GHR: variants seen among roughly 807,000 people sequenced by gnomAD.
GHR encodes GH receptor.
Under a neutral mutation model 67.1 loss-of-function variants are expected in GHR, and 35 were observed. The ratio of observed to expected loss-of-function variants is 0.52; its 90% CI spans 0.40 to 0.69. The LOEUF is 0.69. GHR is among the 30% of genes least tolerant of loss of function. GHR has a pLI of 0.00. For synonymous variants in GHR, 272 were observed against 269.1 expected (o/e 1.01, Z -0.10); for missense variants, 792 against 764.6 (o/e 1.04, Z -0.42).
At chr5:42,588,715 A>G (rs1033495104) in intron 2 of GHR, among the ~76,000 whole-genome samples, 1 of 152,088 alleles carries the variant, frequency 6.6e-6, no homozygotes, top group Non-Finnish European at 1.5e-5. Context: ...ATTACCAGTT[A>G]TCTCTCATCC....
At chr5:42,483,949 A>G (rs1745768694) in intron 1 of GHR, among the ~76,000 whole-genome samples, 1 of 152,010 alleles carries the variant, frequency 6.6e-6, no homozygotes, top group Admixed American at 6.6e-5. Context: ...TGTGCTTAGA[A>G]CCAGCCTACT....
At chr5:42,461,882 A>G (rs1248393974) in intron 1 of GHR, among the ~76,000 whole-genome samples, 1 of 152,220 alleles carries the variant, frequency 6.6e-6, no homozygotes, top group Middle Eastern at 3.2e-3. Flanking sequence ...GGGACTAGGT[A>G]AGGAGAATGG....
chr5:42,655,007 CT>C (rs558759304), intron 3 of GHR, among the ~76,000 whole-genome samples: 52 of 152,180 alleles, frequency 3.4e-4, no homozygotes, highest in African/African-American at 1.2e-3. Context: ...GTGTCTGCCC[CT>C]GAATGCCAGA....
chr5:42,468,391 C>T, intron 1 of GHR: 1 of 1,233,454 alleles, frequency 8.1e-7, no homozygotes. Context: ...CCCATCTAAG[C>T]TTTATGTTTC....
chr5:42,551,641 G>T (rs896944011), intron 1 of GHR, among the ~76,000 whole-genome samples: 11 of 152,120 alleles, frequency 7.2e-5, no homozygotes, highest in Non-Finnish European at 1.3e-4. Context: ...AGAAATAGAA[G>T]AAATGAATCT....
chr5:42,565,412 T>C, intron 1 of GHR: 4 of 976,974 alleles, frequency 4.1e-6, no homozygotes, highest in Non-Finnish European at 4.9e-6. Context: ...GGGAAACAGA[T>C]TTATGAAATG....
At chr5:42,658,291 G>A (rs544407320) in intron 3 of GHR, among the ~76,000 whole-genome samples, 1 of 152,262 alleles carries the variant, frequency 6.6e-6, no homozygotes, top group African/African-American at 2.4e-5. Flanking sequence ...ACTTTGAAGT[G>A]GGAAAAATCT....
chr5:42,598,746 A>C (rs1240859202), intron 2 of GHR, among the ~76,000 whole-genome samples: 1 of 152,016 alleles, frequency 6.6e-6, no homozygotes, highest in African/African-American at 2.4e-5. Context: ...AATTTACCAG[A>C]CCCTCCTTCT....
chr5:42,522,463 T>C (rs1747518958), intron 1 of GHR, among the ~76,000 whole-genome samples: 1 of 152,210 alleles, frequency 6.6e-6, no homozygotes, highest in Admixed American at 6.5e-5. Context: ...CATTTACCAC[T>C]TTCTCTCCTC....
In GHR at chr5:42,630,189, G is replaced by A. The variant is rs558498731; in HGVS notation, c.136+1086G>A. Among the ~76,000 whole-genome samples, 17 of 132,630 alleles carry A rather than the reference G, an allele frequency of 1.3e-4. 6 individuals carry two copies. Among genetic ancestry groups the A allele is most frequent in the African/African-American group, 4.7e-4 (15 of 31,604 alleles). The allele number at this position is 132,630 out of a possible 152,430, so 87.0% of individuals were successfully genotyped here. ...ACCAGATTGTGTGGACTGCATGAAT[G>A]AATTAATTCTATTGAACTTTAAGGC... On this transcript the variant is annotated intron_variant, in intron 3 of 9. Coordinates refer to ENST00000230882, the MANE Select transcript of GHR (RefSeq NM_000163.5).
intron 2 of GHR, among the ~76,000 whole-genome samples, chr5:42,567,041 G>A (rs1214618480): frequency 6.6e-6 from 1 of 152,150 alleles, no homozygotes; most frequent in Non-Finnish European, 1.5e-5. Flanking sequence ...GCGTTATAAT[G>A]TCAACATTAT....
chr5:42,436,970 A>G (rs890374288), intron 1 of GHR, among the ~76,000 whole-genome samples: 2 of 152,336 alleles, frequency 1.3e-5, no homozygotes, highest in African/African-American at 4.8e-5. Flanking sequence ...AATTCAGAAA[A>G]GAATGGGCTT....
chr5:42,596,217 C>G (rs1358991727), intron 2 of GHR, among the ~76,000 whole-genome samples: 3 of 151,756 alleles, frequency 2.0e-5, no homozygotes, highest in Non-Finnish European at 4.4e-5. Context: ...TCATCATTGT[C>G]TGCAGAACAT....
At chr5:42,663,114 C>T (rs1314623231) in intron 3 of GHR, among the ~76,000 whole-genome samples, 1 of 152,130 alleles carries the variant, frequency 6.6e-6, no homozygotes, top group Non-Finnish European at 1.5e-5. Context: ...AGCTTACCAA[C>T]CAAAAAGAGT....
intron 1 of GHR, among the ~76,000 whole-genome samples, chr5:42,447,176 A>G (rs1376552720): frequency 6.6e-6 from 1 of 151,794 alleles, no homozygotes; most frequent in East Asian, 1.9e-4. Context: ...GTTTTTGGGG[A>G]AGAGGTGGTT....
chr5:42,466,990 C>T (rs1744760343), intron 1 of GHR: 1 of 1,572,862 alleles, frequency 6.4e-7, no homozygotes, highest in Non-Finnish European at 8.7e-7. Flanking sequence ...AGTGTGGGTT[C>T]TCTGGTGCAC....
intron 2 of GHR, among the ~76,000 whole-genome samples, chr5:42,619,167 A>C (rs1242937649): frequency 6.6e-6 from 1 of 152,084 alleles, no homozygotes; most frequent in African/African-American, 2.4e-5. Flanking sequence ...AGCAATAGCA[A>C]TTCCAGCTCA....
intron 3 of GHR, among the ~76,000 whole-genome samples, chr5:42,658,559 A>G (rs1407982539): frequency 6.6e-6 from 1 of 152,348 alleles, no homozygotes; most frequent in Non-Finnish European, 1.5e-5. Context: ...GAATTATCCA[A>G]TGCAAATGTA....
chr5:42,461,110 A>G (rs1744470642), intron 1 of GHR, among the ~76,000 whole-genome samples: 1 of 152,202 alleles, frequency 6.6e-6, no homozygotes. Flanking sequence ...AAAAAGGGAC[A>G]GAGGTGATTT....
Sources: allele counts gnomAD v4.1 joint callset (sites outside exome capture counted in the v4.1 genomes callset), GRCh38; gene constraint gnomAD v4.1.1; transcripts MANE v1.5; gene names NCBI Gene and HGNC (gene_info 2026-07-23, HGNC 2026-07-21).